The following ATRNL1 variants were observed in gnomAD, a reference collection of about 807,000 sequenced individuals.
The protein encoded by ATRNL1 is attractin like 1.
A neutral mutation model predicts 182.7 loss-of-function variants in ATRNL1; 95 were observed. The observed-to-expected ratio is 0.52, with a 90% confidence interval of 0.44 to 0.62. The LOEUF (loss-of-function observed/expected upper bound fraction) is 0.62. ATRNL1 is among the 20% of genes least tolerant of loss of function. The pLI is 0.00. For synonymous variants in ATRNL1, 576 were observed against 568.3 expected (o/e 1.01, Z -0.19); for missense variants, 1,471 against 1,679.5 (o/e 0.88, Z 2.17).
intron 28 of ATRNL1, among the ~76,000 whole-genome samples, chr10:115,912,061 G>T (rs1357014209): frequency 6.6e-6 from 1 of 152,138 alleles, no homozygotes; most frequent in Non-Finnish European, 1.5e-5. Context: ...CCCACACATT[G>T]GGACATCGGG....
chr10:115,755,744 G>A (rs1354211525), intron 27 of ATRNL1, among the ~76,000 whole-genome samples: 1 of 152,096 alleles, frequency 6.6e-6, no homozygotes. Flanking sequence ...AAAAGGAATG[G>A]TACCAGCTCC....
intron 18 of ATRNL1, among the ~76,000 whole-genome samples, chr10:115,331,052 T>A (rs10885691): frequency 0.29 from 33,012 of 114,544 alleles, 4,591 homozygotes; most frequent in South Asian, 0.4. Flanking sequence ...CTGCTATTGA[T>A]GCCCTTTATT....
intron 25 of ATRNL1, among the ~76,000 whole-genome samples, chr10:115,537,518 TAA>T (rs1852101734): frequency 6.6e-6 from 1 of 152,202 alleles, no homozygotes; most frequent in South Asian, 2.1e-4. Context: ...ATATTATATG[TAA>T]ATTAGCCAAA....
intron 27 of ATRNL1, among the ~76,000 whole-genome samples, chr10:115,821,347 C>T (rs1950291575): frequency 6.6e-6 from 1 of 152,126 alleles, no homozygotes; most frequent in Non-Finnish European, 1.5e-5. Context: ...GCAGTTTCTT[C>T]ATACTGTCAA....
At chr10:115,117,744 A>C (rs1844555393) in intron 1 of ATRNL1, among the ~76,000 whole-genome samples, 1 of 152,050 alleles carries the variant, frequency 6.6e-6, no homozygotes, top group African/African-American at 2.4e-5. Context: ...ATCGTATGGT[A>C]GCTAAATTTT....
intron 18 of ATRNL1, among the ~76,000 whole-genome samples, chr10:115,320,674 C>T (rs1246437739): frequency 4.6e-5 from 7 of 151,946 alleles, no homozygotes; most frequent in Non-Finnish European, 8.8e-5. Flanking sequence ...TCTTCCACTT[C>T]GTCACTTCGG....
At chr10:115,499,961 T>G (rs1373211493) in intron 24 of ATRNL1, among the ~76,000 whole-genome samples, 3 of 152,200 alleles carry the variant, frequency 2.0e-5, no homozygotes, top group African/African-American at 7.2e-5. Context: ...TTTTGTCTGA[T>G]CTTTTATGGC....
Position 115,783,239 on chromosome 10 carries a change from C to T in ATRNL1, c.3903+55884C>T, listed in dbSNP as rs954697222. ...GTCTATATGATGCCACACACACACA[C>T]ACACACACACACACACATTTAAGTG... is the stretch of plus-strand genomic sequence containing the variant. On this transcript the variant is annotated intron_variant, in intron 27 of 28. Transcript: ENST00000355044. Among the ~76,000 whole-genome samples, 34 of 151,968 alleles carry T rather than the reference C, an allele frequency of 2.2e-4. 1 individual carries two copies. The highest frequency in any genetic ancestry group is 8.2e-4 in the African/African-American group (34 of 41,466).
chr10:115,584,328 C>T (rs1855350844), intron 26 of ATRNL1, among the ~76,000 whole-genome samples: 1 of 124,762 alleles, frequency 8.0e-6, no homozygotes, highest in Non-Finnish European at 1.8e-5. Flanking sequence ...GGAATGGTAC[C>T]AGTTCCTCCT....
At chr10:115,398,103 A>C (rs782641970) in intron 20 of ATRNL1, among the ~76,000 whole-genome samples, 1 of 151,936 alleles carries the variant, frequency 6.6e-6, no homozygotes, top group Non-Finnish European at 1.5e-5. Flanking sequence ...CTCTTTGTAG[A>C]GTTTTCAAGC....
chr10:115,391,564 C>T (rs1844020640), intron 19 of ATRNL1, among the ~76,000 whole-genome samples: 1 of 151,836 alleles, frequency 6.6e-6, no homozygotes, highest in Non-Finnish European at 1.5e-5. Context: ...GCTGCTTGGG[C>T]TTGTGGGAGG....
At chr10:115,801,771 A>G in intron 27 of ATRNL1, among the ~76,000 whole-genome samples, 1 of 152,140 alleles carries the variant, frequency 6.6e-6, no homozygotes, top group East Asian at 1.9e-4. Flanking sequence ...AAAAATAGCA[A>G]ATGATTTTCT....
At chr10:115,926,134 T>C (rs183372186) in intron 28 of ATRNL1, among the ~76,000 whole-genome samples, 1 of 152,308 alleles carries the variant, frequency 6.6e-6, no homozygotes, top group African/African-American at 2.4e-5. Flanking sequence ...ACATGGAAAC[T>C]AAACAACCTG....
intron 1 of ATRNL1, among the ~76,000 whole-genome samples, chr10:115,094,255 G>A (rs1264828697): frequency 6.6e-6 from 1 of 152,022 alleles, no homozygotes; most frequent in Non-Finnish European, 1.5e-5. Flanking sequence ...GGGCCCGCGC[G>A]GAGCCCTGAC....
At chr10:115,905,386 A>AT (rs1952472043) in intron 28 of ATRNL1, among the ~76,000 whole-genome samples, 1 of 128,874 alleles carries the variant, frequency 7.8e-6, no homozygotes, top group African/African-American at 3.8e-5. Flanking sequence ...ACACCCAGCT[A>AT]ATTTTTTTTT....
chr10:115,349,528 T>C (rs1488732651), intron 19 of ATRNL1, among the ~76,000 whole-genome samples: 1 of 152,238 alleles, frequency 6.6e-6, no homozygotes, highest in Non-Finnish European at 1.5e-5. Flanking sequence ...TTTGAGGAAC[T>C]TCCATAAACC....
At chr10:115,561,012 A>C (rs555180853) in intron 26 of ATRNL1, among the ~76,000 whole-genome samples, 1 of 152,322 alleles carries the variant, frequency 6.6e-6, no homozygotes, top group South Asian at 2.1e-4. Flanking sequence ...AGTCAATAGG[A>C]ATCGATACAC....
intron 26 of ATRNL1, among the ~76,000 whole-genome samples, chr10:115,582,880 T>C (rs1555008198): frequency 1.3e-5 from 2 of 151,176 alleles, no homozygotes; most frequent in East Asian, 2.0e-4. Flanking sequence ...TGGTTTTAGG[T>C]CTAACGTTTA....
At chr10:115,903,525 C>T (rs77024988) in intron 28 of ATRNL1, among the ~76,000 whole-genome samples, 34 of 152,316 alleles carry the variant, frequency 2.2e-4, no homozygotes, top group African/African-American at 7.9e-4. Context: ...CTATGACAAA[C>T]TCCCTGCTTC....
Sources: gnomAD v4.1 joint callset for allele counts (sites outside exome capture counted in the v4.1 genomes callset) on GRCh38, gnomAD v4.1.1 for gene constraint, MANE v1.5 for transcripts, NCBI Gene and HGNC (gene_info 2026-07-23, HGNC 2026-07-21) for gene names.